The following GPR39 variants were observed in gnomAD, a reference collection of about 807,000 sequenced individuals.
The protein encoded by GPR39 is zinc sensing receptor.
Under a neutral mutation model 18.4 loss-of-function variants are expected in GPR39, and 23 were observed. The observed-to-expected ratio is 1.25, with a 90% CI of 0.90 to 1.77. The LOEUF is 1.77. Ranked by LOEUF, GPR39 falls within the 40% of genes most tolerant of loss-of-function variation. The pLI is 0.00. For synonymous variants in GPR39, 280 were observed against 257.9 expected (o/e 1.09, Z -0.82); for missense variants, 647 against 602.4 (o/e 1.07, Z -0.78).
chr2:132,571,117 C>T (rs935326485), intron 1 of GPR39, among the ~76,000 whole-genome samples: 1 of 152,190 alleles, frequency 6.6e-6, no homozygotes, highest in Admixed American at 6.5e-5. Flanking sequence ...CCACCTTCAT[C>T]CCCACTCTGT....
At position 132,430,390 on chromosome 2, in the gene GPR39, T is replaced by A. The variant is rs116269886; in HGVS notation, c.856+12492T>A. ...CAGGCTGGGGGTGGCTGGGGAGACCTTGACTTTAGTAACTGTGCCAAGGTT... is the reference window on the plus strand; with the variant it reads ...CAGGCTGGGGGTGGCTGGGGAGACCATGACTTTAGTAACTGTGCCAAGGTT... On this transcript the variant is annotated intron_variant, in intron 1 of 1. Coordinates refer to ENST00000329321, the MANE Select transcript of GPR39 (RefSeq NM_001508.3). Among the ~76,000 whole-genome samples, 568 of 152,256 alleles carry A rather than the reference T, an allele frequency of 3.7e-3. 3 individuals are homozygous for A. The highest frequency in any genetic ancestry group is 0.013 in the African/African-American group (526 of 41,536).
At chr2:132,572,631 T>C (rs1367416234) in intron 1 of GPR39, among the ~76,000 whole-genome samples, 1 of 152,038 alleles carries the variant, frequency 6.6e-6, no homozygotes, top group Non-Finnish European at 1.5e-5. Flanking sequence ...GGTTCACATA[T>C]GGCTGAATCC....
intron 1 of GPR39, among the ~76,000 whole-genome samples, chr2:132,599,198 T>G (rs551298054): frequency 6.6e-6 from 1 of 152,312 alleles, no homozygotes; most frequent in Admixed American, 6.5e-5. Context: ...TTTTAACAAC[T>G]TTCCAGCGGG....
chr2:132,600,872 C>A (rs1405183087), intron 1 of GPR39, among the ~76,000 whole-genome samples: 1 of 152,082 alleles, frequency 6.6e-6, no homozygotes, highest in Non-Finnish European at 1.5e-5. Flanking sequence ...GAAGTCTGGG[C>A]TTTTAGTGTA....
chr2:132,503,725 C>T (rs553478767), intron 1 of GPR39, among the ~76,000 whole-genome samples: 115 of 152,270 alleles, frequency 7.6e-4, no homozygotes, highest in Middle Eastern at 3.4e-3. Flanking sequence ...GCTGGGGGAA[C>T]GGATAGGCAT....
At chr2:132,513,305 TA>T (rs1679272608) in intron 1 of GPR39, among the ~76,000 whole-genome samples, 1 of 142,390 alleles carries the variant, frequency 7.0e-6, no homozygotes. Flanking sequence ...TCTACTAAAA[TA>T]CAAAAAATTA....
intron 1 of GPR39, among the ~76,000 whole-genome samples, chr2:132,553,408 A>G (rs1458606876): frequency 1.3e-5 from 2 of 150,910 alleles, no homozygotes; most frequent in African/African-American, 4.9e-5. Context: ...ATACGTATAT[A>G]TATGTACACA....
At chr2:132,492,650 A>ACC (rs1681506923) in intron 1 of GPR39, among the ~76,000 whole-genome samples, 1 of 135,406 alleles carries the variant, frequency 7.4e-6, no homozygotes, top group African/African-American at 3.0e-5. Flanking sequence ...ATCTATATAT[A>ACC]ATATATATAC....
intron 1 of GPR39, among the ~76,000 whole-genome samples, chr2:132,578,919 C>A (rs1424621093): frequency 6.6e-6 from 1 of 151,942 alleles, no homozygotes; most frequent in Non-Finnish European, 1.5e-5. Context: ...TCAATCTTTT[C>A]AAAGAAACAG....
Position 132,492,335 on chromosome 2 carries a change from A to G in GPR39, c.856+74437A>G, listed in dbSNP as rs577779121. On this transcript the variant is annotated intron_variant, in intron 1 of 1. Coordinates refer to ENST00000329321, the MANE Select transcript of GPR39 (RefSeq NM_001508.3). ...TACCATATATATACATACCATATATATACCATATATATACATACCATATAT... is the reference window on the plus strand; with the variant it reads ...TACCATATATATACATACCATATATGTACCATATATATACATACCATATAT... 2.8e-3 allele frequency among the ~76,000 whole-genome samples: 402 copies of G among 143,184 alleles called. 5 individuals are homozygous for G. The highest frequency in any genetic ancestry group is 4.3e-3 in the Non-Finnish European group (280 of 65,608). The allele number at this position is 143,184 out of a possible 152,430, so 93.9% of individuals were successfully genotyped here.
intron 1 of GPR39, among the ~76,000 whole-genome samples, chr2:132,552,735 A>C (rs1292769157): frequency 1.1e-4 from 16 of 151,510 alleles, no homozygotes. Context: ...GTAATTTTAA[A>C]ATGCTCCCTG....
Position 132,645,827 on chromosome 2 carries a change from C to A in GPR39, c.*221C>A. On this transcript the variant is annotated 3_prime_UTR_variant, in exon 2 of 2. Transcript: ENST00000329321. ...ATGGGGGTGAACTTTCACTCCACCTCCTTCCTTCAAGTACATACTGAAAAT... is the reference window on the plus strand; with the variant it reads ...ATGGGGGTGAACTTTCACTCCACCTACTTCCTTCAAGTACATACTGAAAAT... The A allele has an allele frequency of 1.5e-6, 1 of 685,170 alleles. No individual in the cohort carries two copies. The highest frequency in any genetic ancestry group is 2.8e-5 in the East Asian group (1 of 35,890). 42.4% of individuals were successfully genotyped at this position (685,170 alleles called of 1,614,324 possible). A position where few individuals can be genotyped will look rare whatever the true frequency, so the allele number is the denominator to read the frequency against.
intron 1 of GPR39, among the ~76,000 whole-genome samples, chr2:132,447,511 A>G (rs1296863902): frequency 2.0e-5 from 3 of 152,206 alleles, no homozygotes; most frequent in Non-Finnish European, 2.9e-5. Context: ...TGCTAGGCTC[A>G]CCGTGGTCCA....
chr2:132,531,906 T>C (rs1311458539), intron 1 of GPR39, among the ~76,000 whole-genome samples: 3 of 152,104 alleles, frequency 2.0e-5, no homozygotes, highest in African/African-American at 4.8e-5. Context: ...AGGAAAGATA[T>C]AAAATTGACA....
chr2:132,561,345 A>G (rs1376109270), intron 1 of GPR39, among the ~76,000 whole-genome samples: 2 of 152,036 alleles, frequency 1.3e-5, no homozygotes, highest in African/African-American at 2.4e-5. Flanking sequence ...TAGGGAGTTC[A>G]CTTGACTCCT....
chr2:132,639,457 A>G (rs1681821657), intron 1 of GPR39, among the ~76,000 whole-genome samples: 1 of 152,208 alleles, frequency 6.6e-6, no homozygotes. Context: ...ATTCCATAAA[A>G]TGGGACTCCA....
At chr2:132,622,470 G>T (rs1413877844) in intron 1 of GPR39, among the ~76,000 whole-genome samples, 1 of 152,176 alleles carries the variant, frequency 6.6e-6, no homozygotes, top group Non-Finnish European at 1.5e-5. Flanking sequence ...ATGGACCAGG[G>T]AAACAGTCTC....
chr2:132,642,704 A>T (rs558523612), intron 1 of GPR39, among the ~76,000 whole-genome samples: 97 of 152,324 alleles, frequency 6.4e-4, no homozygotes, highest in Non-Finnish European at 1.2e-3. Flanking sequence ...TGTTCAGCTC[A>T]TGGTTAGTAC....
intron 1 of GPR39, among the ~76,000 whole-genome samples, chr2:132,543,530 C>A (rs1679894850): frequency 2.6e-5 from 4 of 152,122 alleles, no homozygotes; most frequent in Non-Finnish European, 5.9e-5. Context: ...GATAGGAAAC[C>A]TGGGTGATCA....
Sources: gnomAD v4.1 joint callset for allele counts (sites outside exome capture counted in the v4.1 genomes callset) on GRCh38, gnomAD v4.1.1 for gene constraint, MANE v1.5 for transcripts, NCBI Gene and HGNC (gene_info 2026-07-23, HGNC 2026-07-21) for gene names.